The following FA2H variants were observed in gnomAD, a reference collection of about 807,000 sequenced individuals.
FA2H encodes the protein fatty acid 2-hydroxylase, also known as fatty acid alpha-hydroxylase.
In FA2H, 22 loss-of-function variants were observed where a neutral mutation model predicts 44.9. The ratio of observed to expected loss-of-function variants is 0.49; its 90% CI spans 0.35 to 0.70. The LOEUF is 0.70. Among genes scored for constraint, FA2H ranks in the 30% least tolerant of loss-of-function variants. The pLI, the probability that FA2H is intolerant of heterozygous loss-of-function variation, is 0.01. For missense variants in FA2H, 501 were observed against 504.9 expected (o/e 0.99, Z 0.07); for synonymous variants, 243 against 213.2 (o/e 1.14, Z -1.22).
Position 74,716,408 on chromosome 16 carries a change from GC to G in FA2H, c.977del (p.Gly326AlafsTer7). The G allele has an allele frequency of 6.2e-7, 1 of 1,614,072 alleles. No homozygotes were observed. Among genetic ancestry groups the G allele is most frequent in the Non-Finnish European group, 8.5e-7 (1 of 1,180,010 alleles). ...YYLHFGSPHK[G>X]SYLYSLKAHH... The stretch of plus-strand genomic sequence containing the variant: ...GGGCCTTCAGGCTGTACAGGTAGGA[GC>G]CCTTGTGCGGCGAGCCAAAGTGCAG... On this transcript the variant is annotated frameshift_variant, in exon 6 of 7. Coordinates refer to ENST00000219368, the MANE Select transcript of FA2H (RefSeq NM_024306.5). LOFTEE classifies it high-confidence loss of function.
In FA2H at chr16:74,714,196, C is replaced by G. The variant is rs140017632; in HGVS notation, c.1113G>C (p.Thr371=). The G allele has an allele frequency of 4.5e-4, 697 of 1,559,852 alleles. 5 individuals carry two copies. In the African/African-American group the frequency reaches 7.5e-3, roughly 17 times the overall value. ...TLTPEKPHLK[T]Q ...ACGGAGGGGGTGGGAGTTGTCACTG[C>G]GTCTTCAGGTGGGGTTTCTCTGGAG... Residue 371 remains threonine (T), a synonymous_variant, in exon 7 of 7, where the codon ACG becomes ACC. Transcript: ENST00000219368.
At chr16:74,751,767 T>C (rs1356016057) in intron 1 of FA2H, among the ~76,000 whole-genome samples, 3 of 152,202 alleles carry the variant, frequency 2.0e-5, no homozygotes, top group Non-Finnish European at 4.4e-5. Context: ...GACACAGCTC[T>C]AGACCAGTGC....
intron 2 of FA2H, among the ~76,000 whole-genome samples, chr16:74,736,613 C>T (rs79470999): frequency 0.019 from 2,908 of 152,288 alleles, 92 homozygotes; most frequent in African/African-American, 0.067. Flanking sequence ...CTGCTGGATG[C>T]GTCTATCTGT....
chr16:74,736,618 A>C (rs1962186549), intron 2 of FA2H, among the ~76,000 whole-genome samples: 1 of 152,180 alleles, frequency 6.6e-6, no homozygotes, highest in South Asian at 2.1e-4. Context: ...GGATGCGTCT[A>C]TCTGTCCCTT....
chr16:74,758,594 G>A (rs550154164), intron 1 of FA2H, among the ~76,000 whole-genome samples: 7 of 152,034 alleles, frequency 4.6e-5, no homozygotes, highest in African/African-American at 1.4e-4. Flanking sequence ...CAATCCTAAC[G>A]AAATGCCATT....
intron 1 of FA2H, among the ~76,000 whole-genome samples, chr16:74,771,730 C>T (rs1962911454): frequency 6.6e-6 from 1 of 152,130 alleles, no homozygotes. Flanking sequence ...GCCCTCACCA[C>T]ACAATGCTGA....
rs577577245 is a variant in FA2H at position 74,769,662 on chromosome 16, A to T, written c.270+4824T>A. 3.9e-5 allele frequency among the ~76,000 whole-genome samples: 6 copies of T among 152,274 alleles called. No individual in the cohort carries two copies. In the South Asian group the frequency reaches 1.2e-3, roughly 32 times the overall value. ...GGGAAACACAGTAATATAGCCTGGG[A>T]AGGAGGTTTAGACCTAAAGTCCTTT... On this transcript the variant is annotated intron_variant, in intron 1 of 6. Coordinates refer to ENST00000219368, the MANE Select transcript of FA2H (RefSeq NM_024306.5).
At chr16:74,774,276 A>G (rs1962965785) in intron 1 of FA2H, among the ~76,000 whole-genome samples, 1 of 151,868 alleles carries the variant, frequency 6.6e-6, no homozygotes, top group African/African-American at 2.4e-5. Flanking sequence ...GTAAGGGTGG[A>G]AAGGAAGAGC....
intron 2 of FA2H, among the ~76,000 whole-genome samples, chr16:74,731,795 T>C (rs751176864): frequency 2.6e-5 from 4 of 152,256 alleles, no homozygotes; most frequent in Non-Finnish European, 5.9e-5. Context: ...CTTTTGGTAT[T>C]TTCCTTGCAG....
chr16:74,722,911 C>CAAA (rs554074212), intron 4 of FA2H, among the ~76,000 whole-genome samples: 2 of 112,218 alleles, frequency 1.8e-5, no homozygotes, highest in African/African-American at 3.4e-5. Context: ...AACTCCATCT[C>CAAA]AAAAAAAAAA....
At chr16:74,764,205 A>G (rs1322656507) in intron 1 of FA2H, among the ~76,000 whole-genome samples, 2 of 152,188 alleles carry the variant, frequency 1.3e-5, no homozygotes, top group Non-Finnish European at 2.9e-5. Flanking sequence ...TCACCCAGCA[A>G]TCCAGTTACT....
chr16:74,773,588 C>A (rs981714528), intron 1 of FA2H, among the ~76,000 whole-genome samples: 2 of 152,126 alleles, frequency 1.3e-5, no homozygotes, highest in African/African-American at 4.8e-5. Context: ...CTCCTCCACC[C>A]GAAGACTTTT....
At chr16:74,723,338 C>A (rs1285925382) in intron 4 of FA2H, among the ~76,000 whole-genome samples, 2 of 152,154 alleles carry the variant, frequency 1.3e-5, no homozygotes, top group Admixed American at 1.3e-4. Context: ...AAACTCTGCC[C>A]TTTGTCCCCA....
chr16:74,761,519 T>TGTTA (rs1408081265), intron 1 of FA2H, among the ~76,000 whole-genome samples: 2 of 151,990 alleles, frequency 1.3e-5, no homozygotes, highest in East Asian at 3.8e-4. Context: ...ACTTAAGGTG[T>TGTTA]GTTACTATTA....
chr16:74,758,674 C>G (rs1962656801), intron 1 of FA2H, among the ~76,000 whole-genome samples: 1 of 151,986 alleles, frequency 6.6e-6, no homozygotes, highest in Non-Finnish European at 1.5e-5. Flanking sequence ...ACCTGTAATC[C>G]CAGCACTTTG....
chr16:74,767,920 G>A (rs1337324087), intron 1 of FA2H, among the ~76,000 whole-genome samples: 1 of 152,234 alleles, frequency 6.6e-6, no homozygotes, highest in Non-Finnish European at 1.5e-5. Flanking sequence ...GGTGTCACCA[G>A]TTGCTGCCAG....
At chr16:74,750,957 T>A (rs1435804631) in intron 1 of FA2H, among the ~76,000 whole-genome samples, 6 of 150,742 alleles carry the variant, frequency 4.0e-5, no homozygotes, top group African/African-American at 1.5e-4. Flanking sequence ...AATCTGTTTA[T>A]TTTTTTTTAG....
chr16:74,728,396 G>A (rs1180849104), intron 2 of FA2H, among the ~76,000 whole-genome samples: 4 of 152,218 alleles, frequency 2.6e-5, no homozygotes, highest in Non-Finnish European at 2.9e-5. Flanking sequence ...CCCGGGTCAC[G>A]GTAGGCGAGG....
At chr16:74,743,642 A>C (rs1305442919) in intron 1 of FA2H, among the ~76,000 whole-genome samples, 1 of 152,208 alleles carries the variant, frequency 6.6e-6, no homozygotes, top group Non-Finnish European at 1.5e-5. Context: ...ACAAAGGGGA[A>C]GGGGGTCGGC....
Sources: gnomAD v4.1 joint callset for allele counts (sites outside exome capture counted in the v4.1 genomes callset) on GRCh38, gnomAD v4.1.1 for gene constraint, MANE v1.5 for transcripts, NCBI Gene and HGNC (gene_info 2026-07-23, HGNC 2026-07-21) for gene names.